The following VPS41 variants were observed in gnomAD, a reference collection of about 807,000 sequenced individuals.
The protein encoded by VPS41 is VPS41 subunit of HOPS complex, also known as vacuolar protein sorting-associated protein 41 homolog.
A neutral mutation model predicts 130.9 loss-of-function variants in VPS41; 85 were observed. That is an observed-to-expected ratio of 0.65 (90% CI 0.55 to 0.78). The LOEUF is 0.78. VPS41 is among the 30% of genes least tolerant of loss of function. The pLI is 0.00. For missense variants in VPS41, 874 were observed against 1,018.7 expected (o/e 0.86, Z 1.93); for synonymous variants, 335 against 332.9 (o/e 1.01, Z -0.07).
intron 4 of VPS41, among the ~76,000 whole-genome samples, chr7:38,862,275 T>C (rs1290235895): frequency 6.6e-6 from 1 of 152,136 alleles, no homozygotes; most frequent in African/African-American, 2.4e-5. Flanking sequence ...AATTTGCAAT[T>C]AAATAGATGT....
intron 5 of VPS41, among the ~76,000 whole-genome samples, chr7:38,829,176 T>C (rs1785336689): frequency 1.3e-5 from 2 of 152,222 alleles, no homozygotes; most frequent in South Asian, 4.1e-4. Flanking sequence ...CTGAAAGTAC[T>C]GTAAAATTTG....
chr7:38,795,444 T>C, intron 9 of VPS41, 21 bp downstream of exon 9: 1 of 1,605,126 alleles, frequency 6.2e-7, no homozygotes, highest in Non-Finnish European at 8.5e-7. Flanking sequence ...ACGGACTTAT[T>C]ATAAAGACAA....
chr7:38,789,478 C>T (rs1009991965), intron 10 of VPS41, among the ~76,000 whole-genome samples: 5 of 152,008 alleles, frequency 3.3e-5, no homozygotes, highest in African/African-American at 1.2e-4. Context: ...GGCTGCAGCA[C>T]AGAGACCAAG....
intron 2 of VPS41, among the ~76,000 whole-genome samples, chr7:38,876,090 G>A (rs1220913585): frequency 2.6e-5 from 4 of 152,192 alleles, no homozygotes; most frequent in African/African-American, 4.8e-5. Context: ...TGTTGTCACA[G>A]TTGGGTGGGG....
intron 1 of VPS41, among the ~76,000 whole-genome samples, chr7:38,908,570 AC>A (rs1562633054): frequency 6.6e-6 from 1 of 152,136 alleles, no homozygotes; most frequent in Non-Finnish European, 1.5e-5. Context: ...CCTTATTATT[AC>A]CCCCATCTCA....
At chr7:38,859,511 C>T (rs1281764475) in intron 4 of VPS41, among the ~76,000 whole-genome samples, 1 of 152,046 alleles carries the variant, frequency 6.6e-6, no homozygotes, top group African/African-American at 2.4e-5. Context: ...GGTATCATTT[C>T]TATATTTAGG....
At chr7:38,909,076 A>C (rs1787330184) in intron 1 of VPS41, 78 bp downstream of exon 1, 3 of 1,414,214 alleles carry the variant, frequency 2.1e-6, no homozygotes, top group African/African-American at 1.6e-5. Flanking sequence ...ACCTCCACCC[A>C]CTCCACTCCA....
At chr7:38,817,733 AT>A in intron 7 of VPS41, 83 bp downstream of exon 7, 1 of 1,133,600 alleles carries the variant, frequency 8.8e-7, no homozygotes, top group Non-Finnish European at 1.3e-6. Context: ...ATAGCCAGAC[AT>A]AAAAACATTA....
intron 1 of VPS41, among the ~76,000 whole-genome samples, chr7:38,902,711 A>G (rs1049784689): frequency 6.6e-6 from 1 of 152,104 alleles, no homozygotes; most frequent in Non-Finnish European, 1.5e-5. Flanking sequence ...TCCATTTAGA[A>G]GGCCCCTGGC....
At chr7:38,817,910 G>T in intron 6 of VPS41, 28 bp from the exon 7 acceptor site, 1 of 1,596,110 alleles carries the variant, frequency 6.3e-7, no homozygotes, top group Non-Finnish European at 8.6e-7. Flanking sequence ...CCCAACTCTG[G>T]TTTAGGAGTC....
intron 14 of VPS41, among the ~76,000 whole-genome samples, chr7:38,770,149 G>A (rs1034746400): frequency 2.0e-5 from 3 of 151,898 alleles, no homozygotes; most frequent in African/African-American, 7.3e-5. Context: ...CATGCCTGTA[G>A]TCCCAGCTAC....
intron 16 of VPS41, among the ~76,000 whole-genome samples, chr7:38,765,324 A>G (rs985478879): frequency 2.6e-5 from 4 of 152,152 alleles, no homozygotes; most frequent in African/African-American, 9.6e-5. Context: ...AAAGAGCATG[A>G]AAACTTCATC....
chr7:38,726,877 T>A (rs1384101964), intron 28 of VPS41, 32 bp downstream of exon 28: 1 of 1,477,062 alleles, frequency 6.8e-7, no homozygotes, highest in East Asian at 2.5e-5. Flanking sequence ...TTAATTTCCC[T>A]CTAGTTGATA....
chr7:38,904,579 C>T (rs914760742), intron 1 of VPS41, among the ~76,000 whole-genome samples: 1 of 152,210 alleles, frequency 6.6e-6, no homozygotes, highest in African/African-American at 2.4e-5. Context: ...ATTTATACAA[C>T]CATTTCAACC....
chr7:38,845,080 C>T (rs1785695241), intron 4 of VPS41, among the ~76,000 whole-genome samples: 1 of 152,174 alleles, frequency 6.6e-6, no homozygotes, highest in Admixed American at 6.5e-5. Flanking sequence ...TCCTAAGAGG[C>T]TGGCATACTG....
chr7:38,879,653 G>A (rs1786560016), intron 2 of VPS41, among the ~76,000 whole-genome samples: 1 of 152,144 alleles, frequency 6.6e-6, no homozygotes, highest in Non-Finnish European at 1.5e-5. Context: ...CAGATCATCA[G>A]GCATTAGATC....
chr7:38,832,879 C>T (rs1181753343), intron 4 of VPS41, among the ~76,000 whole-genome samples: 3 of 152,158 alleles, frequency 2.0e-5, no homozygotes, highest in African/African-American at 7.2e-5. Flanking sequence ...CAGGGCCTCT[C>T]CCTATTGCAG....
intron 22 of VPS41, among the ~76,000 whole-genome samples, chr7:38,746,408 T>C (rs1255316995): frequency 6.6e-6 from 1 of 151,938 alleles, no homozygotes; most frequent in South Asian, 2.1e-4. Context: ...TTAGTGATGA[T>C]TATAGGTAAG....
chr7:38,831,970 C>T (rs1785394566), intron 4 of VPS41, among the ~76,000 whole-genome samples: 1 of 152,118 alleles, frequency 6.6e-6, no homozygotes, highest in Non-Finnish European at 1.5e-5. Context: ...TCCTTTTTCC[C>T]ACGTACCTCT....
Sources: gnomAD v4.1 joint callset for allele counts (sites outside exome capture counted in the v4.1 genomes callset) on GRCh38, gnomAD v4.1.1 for gene constraint, MANE v1.5 for transcripts, NCBI Gene and HGNC (gene_info 2026-07-23, HGNC 2026-07-21) for gene names.